PDE10A: variants seen among roughly 807,000 people sequenced by gnomAD.
The protein encoded by PDE10A is cAMP and cAMP-inhibited cGMP 3',5'-cyclic phosphodiesterase 10A.
In PDE10A, 39 loss-of-function variants were observed where a neutral mutation model predicts 97.7. The observed-to-expected ratio is 0.40, with a 90% CI of 0.31 to 0.52. The LOEUF (loss-of-function observed/expected upper bound fraction) is 0.52. Ranked by LOEUF, PDE10A falls within the 20% of genes least tolerant of loss-of-function variation. The pLI, the probability that PDE10A is intolerant of heterozygous loss-of-function variation, is 0.56. For synonymous variants in PDE10A, 371 were observed against 376.8 expected (o/e 0.98, Z 0.18); for missense variants, 731 against 1,047.8 (o/e 0.70, Z 4.17).
At chr6:165,771,870 C>T (rs779151796) in intron 1 of PDE10A, among the ~76,000 whole-genome samples, 3 of 152,036 alleles carry the variant, frequency 2.0e-5, no homozygotes, top group Admixed American at 6.6e-5. Flanking sequence ...CTGGCCTACG[C>T]GGTGTGATGC....
At chr6:165,648,323 T>C (rs979555866) in intron 1 of PDE10A, among the ~76,000 whole-genome samples, 7 of 152,146 alleles carry the variant, frequency 4.6e-5, no homozygotes, top group African/African-American at 1.7e-4. Flanking sequence ...TACATATGCA[T>C]TTCTTAACAC....
chr6:165,920,605 A>T lies in PDE10A; in HGVS notation c.-615+66924T>A, dbSNP rs192259427. On this transcript the variant is annotated intron_variant, in intron 1 of 19. Transcript: ENST00000366882. ...CTGCTTACTATACATTTCAGGACAA[A>T]TATAAAAGTCAGCAATGAGCCATAC... Among the ~76,000 whole-genome samples the T allele has an allele frequency of 8.5e-5, 13 of 152,228 alleles. No individual in the cohort carries two copies. In the South Asian group the frequency reaches 1.5e-3, roughly 17 times the overall value.
chr6:165,678,867 C>T (rs114208908), intron 1 of PDE10A, among the ~76,000 whole-genome samples: 5 of 152,220 alleles, frequency 3.3e-5, no homozygotes, highest in Non-Finnish European at 5.9e-5. Context: ...AACTGTCATC[C>T]AGCAAGGATC....
chr6:165,338,327 T>A (rs3799149), intron 20 of PDE10A, among the ~76,000 whole-genome samples: 6,925 of 152,296 alleles, frequency 0.045, 223 homozygotes, highest in East Asian at 0.067. Context: ...TGGACTTTTT[T>A]AAACATTTGT....
chr6:165,386,479 C>T (rs374867469), intron 17 of PDE10A, among the ~76,000 whole-genome samples: 25 of 152,132 alleles, frequency 1.6e-4, no homozygotes, highest in African/African-American at 6.0e-4. Context: ...GCATGGGATG[C>T]TAATTCAGTG....
At chr6:165,736,533 C>T (rs1792579324) in intron 1 of PDE10A, among the ~76,000 whole-genome samples, 1 of 152,086 alleles carries the variant, frequency 6.6e-6, no homozygotes, top group South Asian at 2.1e-4. Context: ...AGGCTGGCCT[C>T]CCAAGCTCCA....
At chr6:165,796,770 T>C (rs1778842712) in intron 1 of PDE10A, among the ~76,000 whole-genome samples, 1 of 152,214 alleles carries the variant, frequency 6.6e-6, no homozygotes, top group South Asian at 2.1e-4. Context: ...TTAGCTGCTA[T>C]GTGCCTTGGG....
chr6:165,872,433 G>A (rs141768683), intron 1 of PDE10A, among the ~76,000 whole-genome samples: 44 of 152,284 alleles, frequency 2.9e-4, no homozygotes, highest in Non-Finnish European at 6.0e-4. Context: ...CAGAGGATGC[G>A]TCTTGGCTGC....
chr6:165,631,681 A>G (rs3008037), intron 1 of PDE10A, among the ~76,000 whole-genome samples: 44,511 of 151,950 alleles, frequency 0.29, 6,695 homozygotes, highest in Middle Eastern at 0.44. Context: ...TCATTATACG[A>G]ATAAATCAGA....
chr6:165,941,807 C>T (rs1562808639), intron 1 of PDE10A, among the ~76,000 whole-genome samples: 1 of 152,160 alleles, frequency 6.6e-6, no homozygotes, highest in Non-Finnish European at 1.5e-5. Flanking sequence ...TTATAAATTT[C>T]CCAGTCTCAA....
chr6:165,705,691 T>C (rs1250622068), intron 1 of PDE10A, among the ~76,000 whole-genome samples: 1 of 152,200 alleles, frequency 6.6e-6, no homozygotes, highest in African/African-American at 2.4e-5. Flanking sequence ...TTTATGGCTA[T>C]GATAATTAGA....
chr6:165,614,107 C>A (rs925061035), intron 1 of PDE10A, among the ~76,000 whole-genome samples: 1 of 152,192 alleles, frequency 6.6e-6, no homozygotes, highest in African/African-American at 2.4e-5. Flanking sequence ...TTACTTTGAC[C>A]TCTTTTGTCA....
chr6:165,669,245 T>G (rs1790581189), intron 1 of PDE10A, among the ~76,000 whole-genome samples: 1 of 152,214 alleles, frequency 6.6e-6, no homozygotes, highest in Non-Finnish European at 1.5e-5. Context: ...TAGGACTGAT[T>G]AGTGAGCCAG....
intron 5 of PDE10A, among the ~76,000 whole-genome samples, chr6:165,445,832 C>T (rs934727339): frequency 6.6e-6 from 1 of 151,830 alleles, no homozygotes; most frequent in Non-Finnish European, 1.5e-5. Flanking sequence ...TAGAAAGGCA[C>T]TTCTAACAAG....
chr6:165,333,159 C>T, intron 21 of PDE10A, 32 bp from the exon 22 acceptor site: 2 of 1,290,560 alleles, frequency 1.5e-6, no homozygotes, highest in Non-Finnish European at 2.3e-6. Flanking sequence ...TCAGGAGAAG[C>T]TGAATAAAGG....
chr6:165,886,629 A>G (rs1283636700), intron 1 of PDE10A, among the ~76,000 whole-genome samples: 1 of 152,216 alleles, frequency 6.6e-6, no homozygotes, highest in Non-Finnish European at 1.5e-5. Context: ...TGCTTTTTTG[A>G]AGGGAAAATA....
intron 1 of PDE10A, among the ~76,000 whole-genome samples, chr6:165,707,163 C>T (rs1428018928): frequency 6.6e-6 from 1 of 152,226 alleles, no homozygotes; most frequent in Non-Finnish European, 1.5e-5. Context: ...TGGAATGGTG[C>T]TAACAGTGAT....
chr6:165,418,346 T>C lies in PDE10A; in HGVS notation c.1796+289A>G, dbSNP rs560302646. On this transcript the variant is annotated intron_variant, in intron 11 of 21. Coordinates refer to ENST00000539869, the MANE Select transcript of PDE10A (RefSeq NM_001385079.1). This position sits in a 1 kb window ranked among gnomAD's most constrained non-coding sequence, Gnocchi z 4.8. ...GCAGATTCCAGGTGGAGTGTACCTT[T>C]ACCTACCTGGGAGCACTAGAAAGTT... Among the ~76,000 whole-genome samples, 1 of 152,298 alleles carries C rather than the reference T, an allele frequency of 6.6e-6. No homozygotes were observed. The highest frequency in any genetic ancestry group is 2.4e-5 in the African/African-American group (1 of 41,582).
chr6:165,619,376 A>G (rs1787941222), intron 1 of PDE10A, among the ~76,000 whole-genome samples: 1 of 149,938 alleles, frequency 6.7e-6, no homozygotes, highest in Non-Finnish European at 1.5e-5. Flanking sequence ...AGTGTGGTGT[A>G]GTGTAGTCTA....
Sources: allele counts gnomAD v4.1 joint callset (sites outside exome capture counted in the v4.1 genomes callset), GRCh38; gene constraint gnomAD v4.1.1; non-coding constraint Gnocchi (gnomAD v3.1); transcripts MANE v1.5; gene names NCBI Gene and HGNC (gene_info 2026-07-23, HGNC 2026-07-21).